Variants in PHF12 observed in about 807,000 individuals in gnomAD.
The protein encoded by PHF12 is PHD finger protein 12, also known as PHD factor 1.
PHF12 carries 6 observed loss-of-function variants against 99.8 expected under a neutral mutation model. The observed-to-expected ratio is 0.06, with a 90% CI of 0.03 to 0.12. The LOEUF (loss-of-function observed/expected upper bound fraction) is 0.12, where lower values mean the gene tolerates loss of function less well. Among genes scored for constraint, PHF12 ranks in the 10% least tolerant of loss-of-function variants. PHF12 has a pLI of 1.00. For missense variants in PHF12, 954 were observed against 1,300.1 expected (o/e 0.73, Z 4.09); for synonymous variants, 480 against 514.9 (o/e 0.93, Z 0.92).
chr17:28,951,259 C>T lies in PHF12; in HGVS notation c.-299G>A. 2 of 1,214,182 alleles carry T rather than the reference C, an allele frequency of 1.6e-6. No homozygotes were observed. Among genetic ancestry groups the T allele is most frequent in the Non-Finnish European group, 2.1e-6 (2 of 970,494 alleles). 75.2% of individuals were successfully genotyped at this position (1,214,182 alleles called of 1,614,324 possible). A position where few individuals can be genotyped will look rare whatever the true frequency, so the allele number is the denominator to read the frequency against. On this transcript the variant is annotated 5_prime_UTR_variant, in exon 1 of 15. Coordinates refer to ENST00000332830, the MANE Select transcript of PHF12 (RefSeq NM_001033561.2). ...GGGGCCTAGTCCCACAGGCTAAAGC[C>T]GGCACTGGCGACAGCCGGTCCGGCC... is the stretch of plus-strand genomic sequence containing the variant.
At chr17:28,908,545 C>G in intron 12 of PHF12, 1 of 515,954 alleles carries the variant, frequency 1.9e-6, no homozygotes, top group South Asian at 2.6e-5. Context: ...GTCTCGAAGT[C>G]CTGGGCTCAA....
At position 28,913,129 on chromosome 17, in the gene PHF12, T is replaced by C; in HGVS notation, c.1442A>G (p.Gln481Arg). Residue 481 changes from glutamine (Q) to arginine (R), a missense_variant, in exon 9 of 15, where the codon CAA becomes CGA. Physicochemically the swap from Gln to Arg is conservative, Grantham distance 43. This residue lies in a region of PHF12 where 392 missense variants were observed against 423.1 expected (regional missense o/e 0.93). Coordinates refer to ENST00000332830, the MANE Select transcript of PHF12 (RefSeq NM_001033561.2). ...VTDSSVTTSL[Q>R]TADKTPTPSH... Reference sequence around the variant, plus strand: ...AGGTGTAGGTGTCTTGTCAGCTGTTTGCAGGGAGGTGGTGACTGAGCTGTC... The same window carrying C: ...AGGTGTAGGTGTCTTGTCAGCTGTTCGCAGGGAGGTGGTGACTGAGCTGTC... 1 of 1,614,174 alleles carries C rather than the reference T, an allele frequency of 6.2e-7. No individual in the cohort carries two copies. The highest frequency in any genetic ancestry group is 8.5e-7 in the Non-Finnish European group (1 of 1,180,022).
At chr17:28,934,406 CT>C (rs1255152615) in intron 2 of PHF12, among the ~76,000 whole-genome samples, 1 of 152,054 alleles carries the variant, frequency 6.6e-6, no homozygotes, top group Non-Finnish European at 1.5e-5. Context: ...GCCAGTGAGC[CT>C]TTAAAGACAG....
chr17:28,927,186 G>A, intron 2 of PHF12, 123 bp from the exon 3 acceptor site: 2 of 810,750 alleles, frequency 2.5e-6, no homozygotes, highest in Non-Finnish European at 3.9e-6. Flanking sequence ...TGCTAGGGTT[G>A]TCTCCTCCAA....
chr17:28,913,677 G>A (rs1372315553), intron 8 of PHF12, among the ~76,000 whole-genome samples: 2 of 152,210 alleles, frequency 1.3e-5, no homozygotes, highest in Non-Finnish European at 2.9e-5. Context: ...ATGGAGAGAA[G>A]CAGACCAGTT....
chr17:28,912,508 C>A lies in PHF12; in HGVS notation c.2063G>T (p.Arg688Leu), dbSNP rs747074949. ...DGILATTANQRFSSPAPSSDG... is the reference protein window; with the variant it reads ...DGILATTANQLFSSPAPSSDG... ...TGACGATGGCGCTGGTGAGCTGAAT[C>A]GTTGGTTGGCTGTTGTGGCCAAGAT... is the stretch of plus-strand genomic sequence containing the variant. The change falls in exon 9 of 15, where the codon CGA (arginine) becomes CTA (leucine). Residue 688 changes from arginine (R) to leucine (L), a missense_variant. Coordinates refer to ENST00000332830, the MANE Select transcript of PHF12 (RefSeq NM_001033561.2). The A allele has an allele frequency of 1.2e-6, 2 of 1,604,750 alleles. No homozygotes were observed. The highest frequency in any genetic ancestry group is 8.5e-7 in the Non-Finnish European group (1 of 1,173,078).
chr17:28,912,820 G>C lies in PHF12; in HGVS notation c.1751C>G (p.Pro584Arg). 2 of 1,608,470 alleles carry C rather than the reference G, an allele frequency of 1.2e-6. No homozygotes were observed. Among genetic ancestry groups the C allele is most frequent in the Non-Finnish European group, 1.7e-6 (2 of 1,176,428 alleles). Residue 584 changes from proline (P) to arginine (R), a missense_variant, in exon 9 of 15, where the codon CCC becomes CGC. Physicochemically the swap from Pro to Arg is moderately radical, Grantham distance 103. Around this residue, in one of 8 missense-constraint regions of PHF12, gnomAD observed 392 missense variants for 423.1 expected, o/e 0.93. Transcript: ENST00000332830. Reference protein sequence around the residue: ...GLSHRQGWPRPLTPPAAGGLQ... With the variant: ...GLSHRQGWPRRLTPPAAGGLQ... ...GCCCCCAGCCGCTGGTGGCGTGAGGGGCCGGGGCCAGCCTTGCCGGTGTGA... is the reference window on the plus strand; with the variant it reads ...GCCCCCAGCCGCTGGTGGCGTGAGGCGCCGGGGCCAGCCTTGCCGGTGTGA...
chr17:28,912,837 C>T lies in PHF12; in HGVS notation c.1734G>A (p.Arg578=). The T allele has an allele frequency of 6.2e-7, 1 of 1,607,746 alleles. No individual in the cohort carries two copies. Among genetic ancestry groups the T allele is most frequent in the Middle Eastern group, 1.7e-4 (1 of 6,018 alleles). The change falls in exon 9 of 15, where the codon CGG becomes CGA. Residue 578 remains arginine, a synonymous_variant. Coordinates refer to ENST00000332830, the MANE Select transcript of PHF12 (RefSeq NM_001033561.2). The stretch of plus-strand genomic sequence containing the variant: ...GCGTGAGGGGCCGGGGCCAGCCTTG[C>T]CGGTGTGAGAGGCCTGGTAGTGGGG... The part of the protein sequence containing the change: ...ANTPLPGLSH[R]QGWPRPLTPP...
chr17:28,926,704 C>A, intron 3 of PHF12: 1 of 1,181,796 alleles, frequency 8.5e-7, no homozygotes, highest in South Asian at 1.5e-5. Context: ...TGGATAAGGC[C>A]ACTTATTAGG....
intron 2 of PHF12, among the ~76,000 whole-genome samples, chr17:28,947,631 T>C (rs2040742972): frequency 6.6e-6 from 1 of 152,076 alleles, no homozygotes; most frequent in Admixed American, 6.6e-5. Context: ...TCACTCTTGG[T>C]GGAAAGAGTG....
At chr17:28,927,515 G>A (rs985504852) in intron 2 of PHF12, among the ~76,000 whole-genome samples, 1 of 152,168 alleles carries the variant, frequency 6.6e-6, no homozygotes, top group African/African-American at 2.4e-5. Context: ...AGCTATGCCT[G>A]TCAAAACTCT....
chr17:28,910,838 A>G (rs912130319), intron 10 of PHF12: 12 of 444,092 alleles, frequency 2.7e-5, no homozygotes, highest in Non-Finnish European at 4.4e-5. Flanking sequence ...ATCTGCCTAA[A>G]GTGATTTTGT....
intron 10 of PHF12, 29 bp downstream of exon 10, chr17:28,911,083 G>A: frequency 3.7e-6 from 6 of 1,613,712 alleles, no homozygotes; most frequent in Non-Finnish European, 5.1e-6. Context: ...CATAGCAAAC[G>A]GTGGAACAGC....
chr17:28,943,458 C>T (rs762637022), intron 2 of PHF12, among the ~76,000 whole-genome samples: 6 of 152,014 alleles, frequency 3.9e-5, no homozygotes, highest in Non-Finnish European at 7.4e-5. Context: ...GGTGAAACCC[C>T]GTTTCTACTA....
Position 28,924,022 on chromosome 17 carries a change from T to C in PHF12, c.602A>G (p.Tyr201Cys), listed in dbSNP as rs1467789117. ...DEEPVAAEPD[Y>C]VQPQLRRPFE... The stretch of plus-strand genomic sequence containing the variant: ...GGGCCGCCTCAGCTGGGGCTGCACA[T>C]AGTCTGGCTCCGCTGCTACTGGTTC... The change falls in exon 4 of 15, where the codon TAT becomes TGT. Residue 201 changes from tyrosine (Y) to cysteine (C), a missense_variant. Tyr to Cys is a radical substitution (Grantham distance 194). This residue lies in a region of PHF12 where 109 missense variants were observed against 145.4 expected (regional missense o/e 0.75). Transcript: ENST00000332830. The C allele has an allele frequency of 2.5e-6, 4 of 1,614,154 alleles. No homozygotes were observed. Among genetic ancestry groups the C allele is most frequent in the East Asian group, 2.2e-5 (1 of 44,874 alleles).
At chr17:28,944,420 C>T (rs1341465188) in intron 2 of PHF12, 1 of 832,552 alleles carries the variant, frequency 1.2e-6, no homozygotes, top group Non-Finnish European at 1.4e-6. Flanking sequence ...ATTTCTGACA[C>T]TTGCACTCAT....
intron 6 of PHF12, among the ~76,000 whole-genome samples, chr17:28,918,806 T>C (rs1051126576): frequency 6.6e-6 from 1 of 152,352 alleles, no homozygotes; most frequent in African/African-American, 2.4e-5. Context: ...GGGACACATG[T>C]ACCCCAGACA....
intron 6 of PHF12, among the ~76,000 whole-genome samples, chr17:28,917,836 C>G (rs571798364): frequency 6.6e-4 from 101 of 152,116 alleles, no homozygotes; most frequent in Non-Finnish European, 1.2e-3. Context: ...TTAAGAGACC[C>G]ACACTCCCTT....
chr17:28,949,757 T>G lies in PHF12; in HGVS notation c.248+308A>C. ...CTGGGCCCGGAGCTCCTCCCCTTCC[T>G]CCCCCGCCACTGCCGGCTGTCCCCG... is the stretch of plus-strand genomic sequence containing the variant. On this transcript the variant is annotated intron_variant, in intron 2 of 14. Transcript: ENST00000332830. This position sits in a 1 kb window ranked among gnomAD's most constrained non-coding sequence, Gnocchi z 4.6. The G allele has an allele frequency of 3.8e-6, 1 of 263,044 alleles. No homozygotes were observed. Among genetic ancestry groups the G allele is most frequent in the South Asian group, 9.5e-5 (1 of 10,532 alleles). The allele number at this position is 263,044 out of a possible 1,614,324, so 16.3% of individuals were successfully genotyped here.
Sources: gnomAD v4.1 joint callset for allele counts (sites outside exome capture counted in the v4.1 genomes callset) on GRCh38, gnomAD v4.1.1 for gene constraint, gnomAD v4.1.1 regional missense constraint, Gnocchi (gnomAD v3.1) non-coding constraint, MANE v1.5 for transcripts, NCBI Gene and HGNC (gene_info 2026-07-23, HGNC 2026-07-21) for gene names.